The following CPA6 variants were observed in gnomAD, a reference collection of about 807,000 sequenced individuals.
The protein encoded by CPA6 is carboxypeptidase B.
Under a neutral mutation model 63.3 loss-of-function variants are expected in CPA6, and 58 were observed. That is an observed-to-expected ratio of 0.92 (90% CI 0.74 to 1.14). CPA6 has a LOEUF of 1.14. Among genes scored for constraint, CPA6 ranks in the 50% most tolerant of loss-of-function variants. The probability of loss-of-function intolerance (pLI) is 0.00; values close to 1 mark genes in which losing one functional copy is unlikely to be tolerated. For synonymous variants in CPA6, 185 were observed against 179.0 expected (o/e 1.03, Z -0.27); for missense variants, 565 against 526.6 (o/e 1.07, Z -0.71).
At chr8:67,676,151 C>T (rs1031736787) in intron 1 of CPA6, among the ~76,000 whole-genome samples, 1 of 152,148 alleles carries the variant, frequency 6.6e-6, no homozygotes, top group African/African-American at 2.4e-5. Context: ...TGGTCTTTTG[C>T]TTTTTAGCGG....
Position 67,422,519 on chromosome 8 carries a change from T to C in CPA6, c.1299A>G (p.Leu433=), listed in dbSNP as rs1162502330. The change falls in exon 11 of 11, where the codon CTA becomes CTG. Residue 433 remains leucine, a synonymous_variant. Transcript: ENST00000297770. ...TTGGGCTGTCTCAGGGACATTTCTT[T>C]AGCAGGTGCATTGTGATATTTTTCA... ...LAVKNITMHL[L]KKCP The C allele has an allele frequency of 1.9e-6, 3 of 1,613,944 alleles. No homozygotes were observed. The highest frequency in any genetic ancestry group is 1.7e-6 in the Non-Finnish European group (2 of 1,179,924).
chr8:67,450,455 C>T (rs1488491870), intron 8 of CPA6, among the ~76,000 whole-genome samples: 2 of 152,150 alleles, frequency 1.3e-5, no homozygotes, highest in Non-Finnish European at 2.9e-5. Flanking sequence ...AGATTTTTAA[C>T]TATTTCTAAG....
chr8:67,469,674 C>T (rs1444477135), intron 8 of CPA6, among the ~76,000 whole-genome samples: 1 of 152,194 alleles, frequency 6.6e-6, no homozygotes, highest in Non-Finnish European at 1.5e-5. Context: ...GTGAATTCTG[C>T]CTTCAGACTT....
intron 2 of CPA6, among the ~76,000 whole-genome samples, chr8:67,614,629 G>C (rs1269213985): frequency 6.6e-6 from 1 of 152,104 alleles, no homozygotes; most frequent in African/African-American, 2.4e-5. Flanking sequence ...TTTCCCCTAA[G>C]AGAAAATTGC....
chr8:67,427,416 A>G (rs754139767), intron 10 of CPA6, among the ~76,000 whole-genome samples: 140 of 152,252 alleles, frequency 9.2e-4, no homozygotes, highest in Non-Finnish European at 1.5e-3. Context: ...TACACATAGA[A>G]TTAATAAAAT....
chr8:67,456,498 G>A (rs2128956458), intron 8 of CPA6, among the ~76,000 whole-genome samples: 1 of 152,304 alleles, frequency 6.6e-6, no homozygotes, highest in Admixed American at 6.5e-5. Flanking sequence ...GGGGTCCCGT[G>A]ACCCCAGGCT....
At position 67,716,151 on chromosome 8, in the gene CPA6, CAAAAAAAAAAAAAAAAAA is replaced by C. The variant is rs56275918; in HGVS notation, c.116+29845_116+29862del. On this transcript the variant is annotated intron_variant, in intron 1 of 10. Coordinates refer to ENST00000297770, the MANE Select transcript of CPA6 (RefSeq NM_020361.5). ...CCTGGGCGAGAGAGTGAGCTTGTCTCAAAAAAAAAAAAAAAAAAAAAAAAAAGGAGAGAGAGAAGTGTC... is the reference window on the plus strand; with the variant it reads ...CCTGGGCGAGAGAGTGAGCTTGTCTCAAAAAAAAGGAGAGAGAGAAGTGTC... Among the ~76,000 whole-genome samples, 8 of 76,548 alleles carry C rather than the reference CAAAAAAAAAAAAAAAAAA, an allele frequency of 1.0e-4. No homozygotes were observed. In the South Asian group the frequency reaches 3.1e-3, roughly 30 times the overall value. The allele number at this position is 76,548 out of a possible 152,430, so 50.2% of individuals were successfully genotyped here.
chr8:67,666,450 G>T (rs1466297202), intron 1 of CPA6, among the ~76,000 whole-genome samples: 1 of 152,182 alleles, frequency 6.6e-6, no homozygotes, highest in East Asian at 1.9e-4. Context: ...CACCAGCGGA[G>T]GGCCCTGGTA....
chr8:67,742,864 T>A (rs1045419734), intron 1 of CPA6, among the ~76,000 whole-genome samples: 10 of 152,184 alleles, frequency 6.6e-5, no homozygotes, highest in Admixed American at 6.5e-4. Flanking sequence ...ATCATGGCCA[T>A]GTTAGTTCTA....
intron 2 of CPA6, among the ~76,000 whole-genome samples, chr8:67,607,895 A>C (rs925934445): frequency 6.6e-6 from 1 of 152,230 alleles, no homozygotes; most frequent in Non-Finnish European, 1.5e-5. Flanking sequence ...AAAACAATAT[A>C]ATGACTGAAA....
At chr8:67,501,852 GA>G (rs973412237) in intron 6 of CPA6, among the ~76,000 whole-genome samples, 1 of 152,138 alleles carries the variant, frequency 6.6e-6, no homozygotes, top group African/African-American at 2.4e-5. Context: ...ATTCTCCAGT[GA>G]AAGCTTCTGG....
intron 1 of CPA6, among the ~76,000 whole-genome samples, chr8:67,672,750 G>A (rs1816376815): frequency 6.6e-6 from 1 of 152,138 alleles, no homozygotes; most frequent in Non-Finnish European, 1.5e-5. Context: ...ACACAATCAA[G>A]ATGTTTTATT....
At chr8:67,667,175 C>T (rs542594574) in intron 1 of CPA6, among the ~76,000 whole-genome samples, 7 of 152,262 alleles carry the variant, frequency 4.6e-5, no homozygotes, top group South Asian at 4.1e-4. Context: ...GCTTTGATGA[C>T]CTTTGAGAAA....
intron 1 of CPA6, among the ~76,000 whole-genome samples, chr8:67,740,938 G>A (rs552146120): frequency 1.3e-5 from 2 of 152,254 alleles, no homozygotes; most frequent in South Asian, 2.1e-4. Flanking sequence ...CTGTTTCCAT[G>A]GATGACTATT....
At chr8:67,457,259 G>T (rs1379725733) in intron 8 of CPA6, among the ~76,000 whole-genome samples, 4 of 152,178 alleles carry the variant, frequency 2.6e-5, no homozygotes, top group Admixed American at 6.5e-5. Flanking sequence ...TTTCATGTTT[G>T]TATCTCCTGT....
At chr8:67,423,142 T>TG (rs1809806219) in intron 10 of CPA6, among the ~76,000 whole-genome samples, 1 of 152,144 alleles carries the variant, frequency 6.6e-6, no homozygotes, top group African/African-American at 2.4e-5. Context: ...TGGAGTGCAG[T>TG]GTCACAATCT....
chr8:67,664,169 C>G (rs537748365), intron 1 of CPA6, among the ~76,000 whole-genome samples: 1 of 152,324 alleles, frequency 6.6e-6, no homozygotes, highest in East Asian at 1.9e-4. Context: ...ATTTTCTCTT[C>G]AAGCGACCAG....
chr8:67,444,398 TAG>T, intron 8 of CPA6, among the ~76,000 whole-genome samples: 1 of 152,146 alleles, frequency 6.6e-6, no homozygotes, highest in East Asian at 1.9e-4. Flanking sequence ...TGGCTGCCAA[TAG>T]AGATTTCTAA....
intron 8 of CPA6, 140 bp from the exon 9 acceptor site, chr8:67,434,380 T>G: frequency 1.3e-6 from 1 of 749,730 alleles, no homozygotes; most frequent in South Asian, 1.9e-5. Context: ...AACTTCTCAT[T>G]TATGGAAATC....
Sources: allele counts gnomAD v4.1 joint callset (sites outside exome capture counted in the v4.1 genomes callset), GRCh38; gene constraint gnomAD v4.1.1; transcripts MANE v1.5; gene names NCBI Gene and HGNC (gene_info 2026-07-23, HGNC 2026-07-21).